The following EPB41 variants were observed in gnomAD, a reference collection of about 807,000 sequenced individuals.
EPB41 encodes the protein protein 4.1.
EPB41 carries 65 observed loss-of-function variants against 108.0 expected under a neutral mutation model. The ratio of observed to expected loss-of-function variants is 0.60; its 90% CI spans 0.49 to 0.74. The LOEUF (loss-of-function observed/expected upper bound fraction) is 0.74, where lower values mean the gene tolerates loss of function less well. Among genes scored for constraint, EPB41 ranks in the 30% least tolerant of loss-of-function variants. The probability of loss-of-function intolerance (pLI) is 0.00; values close to 1 mark genes in which losing one functional copy is unlikely to be tolerated. For synonymous variants in EPB41, 336 were observed against 358.9 expected (o/e 0.94, Z 0.72); for missense variants, 875 against 1,037.0 (o/e 0.84, Z 2.15).
Position 28,887,561 on chromosome 1 carries a change from C to T in EPB41, c.-8+351C>T. On this transcript the variant is annotated intron_variant, in intron 1 of 16. Transcript: ENST00000347529. This position sits in a 1 kb window ranked among gnomAD's most constrained non-coding sequence, Gnocchi z 4.9. Reference sequence around the variant, plus strand: ...GAGAGTCCCTGCAGGTCGGCGCAGCCCCCGGCCGCCCCCTAGCCCCGCCTT... The same window carrying T: ...GAGAGTCCCTGCAGGTCGGCGCAGCTCCCGGCCGCCCCCTAGCCCCGCCTT... 1 of 985,288 alleles carries T rather than the reference C, an allele frequency of 1.0e-6. No homozygotes were observed. Among genetic ancestry groups the T allele is most frequent in the African/African-American group, 1.7e-5 (1 of 57,336 alleles). The allele number at this position is 985,288 out of a possible 1,614,324, so 61.0% of individuals were successfully genotyped here. A position where few individuals can be genotyped will look rare whatever the true frequency, so the allele number is the denominator to read the frequency against.
At chr1:29,090,364 G>A (rs542568529) in intron 16 of EPB41, among the ~76,000 whole-genome samples, 3 of 152,318 alleles carry the variant, frequency 2.0e-5, no homozygotes, top group Non-Finnish European at 4.4e-5. Context: ...GGGGTTAGCG[G>A]ATAAATGTAA....
At chr1:29,111,834 G>A (rs1310506931) in intron 18 of EPB41, among the ~76,000 whole-genome samples, 1 of 151,634 alleles carries the variant, frequency 6.6e-6, no homozygotes. Context: ...AAAATTAGCT[G>A]GGCATGGTGG....
intron 1 of EPB41, among the ~76,000 whole-genome samples, chr1:28,930,860 A>G (rs1222975003): frequency 1.3e-5 from 2 of 152,158 alleles, no homozygotes; most frequent in Non-Finnish European, 2.9e-5. Flanking sequence ...CTCAATAAAA[A>G]TCCTGTGGTA....
chr1:28,915,027 G>A (rs2092505599), intron 1 of EPB41, among the ~76,000 whole-genome samples: 1 of 151,654 alleles, frequency 6.6e-6, no homozygotes, highest in Non-Finnish European at 1.5e-5. Context: ...CGGGAGTGTT[G>A]GAAAGTTAGG....
chr1:28,918,106 C>G (rs2092817106), intron 1 of EPB41, among the ~76,000 whole-genome samples: 1 of 152,186 alleles, frequency 6.6e-6, no homozygotes, highest in African/African-American at 2.4e-5. Flanking sequence ...TCCTTGTTAT[C>G]TAAGAGGCAG....
chr1:28,943,768 A>G (rs1380138348), intron 1 of EPB41, among the ~76,000 whole-genome samples: 2 of 152,212 alleles, frequency 1.3e-5, no homozygotes, highest in Non-Finnish European at 2.9e-5. Flanking sequence ...GTTGGTGGGA[A>G]TGCAAATTAG....
At chr1:29,019,368 T>C (rs12085162) in intron 7 of EPB41, among the ~76,000 whole-genome samples, 16,752 of 152,022 alleles carry the variant, frequency 0.11, 1,149 homozygotes, top group African/African-American at 0.2. Context: ...CATTGAAAGG[T>C]GATGTGTGTA....
intron 16 of EPB41, among the ~76,000 whole-genome samples, chr1:29,067,473 G>A (rs1648721826): frequency 7.1e-6 from 1 of 140,736 alleles, no homozygotes; most frequent in African/African-American, 2.7e-5. Context: ...TTCAGCCTGG[G>A]CGACAGAGCG....
intron 19 of EPB41, among the ~76,000 whole-genome samples, chr1:29,113,941 A>G (rs1244886959): frequency 6.6e-6 from 1 of 152,158 alleles, no homozygotes; most frequent in Non-Finnish European, 1.5e-5. Flanking sequence ...CAGAGTCACA[A>G]AGAGAAGACT....
chr1:28,952,792 CT>C (rs1467809360), intron 1 of EPB41, among the ~76,000 whole-genome samples: 1 of 152,044 alleles, frequency 6.6e-6, no homozygotes, highest in Non-Finnish European at 1.5e-5. Context: ...CCCATTGCTT[CT>C]TTTTGTAAAT....
chr1:28,888,549 T>G (rs2089721732), intron 1 of EPB41, among the ~76,000 whole-genome samples: 1 of 152,214 alleles, frequency 6.6e-6, no homozygotes, highest in African/African-American at 2.4e-5. Context: ...CCTTGAAGGC[T>G]CTCCGGGGTG....
intron 1 of EPB41, among the ~76,000 whole-genome samples, chr1:28,904,273 C>A (rs902496855): frequency 1.3e-5 from 2 of 151,648 alleles, no homozygotes; most frequent in Non-Finnish European, 2.9e-5. Flanking sequence ...GCTAGGATCC[C>A]CAGTGCCCAA....
chr1:29,080,580 G>C (rs907837050), intron 16 of EPB41, among the ~76,000 whole-genome samples: 2 of 151,504 alleles, frequency 1.3e-5, no homozygotes, highest in African/African-American at 4.9e-5. Context: ...TAAAAGACAG[G>C]GTTTTACCAT....
intron 10 of EPB41, among the ~76,000 whole-genome samples, chr1:29,036,426 A>AT (rs1188863474): frequency 6.6e-6 from 1 of 150,452 alleles, no homozygotes; most frequent in African/African-American, 2.4e-5. Flanking sequence ...TGCCCAGCTA[A>AT]TTTTTTGTAT....
At chr1:29,057,553 C>T (rs991204965) in intron 12 of EPB41, among the ~76,000 whole-genome samples, 1 of 151,938 alleles carries the variant, frequency 6.6e-6, no homozygotes, top group African/African-American at 2.4e-5. Flanking sequence ...CATTATACTC[C>T]AAAGTAATGC....
At chr1:28,943,795 A>G (rs2094391363) in intron 1 of EPB41, among the ~76,000 whole-genome samples, 2 of 152,300 alleles carry the variant, frequency 1.3e-5, no homozygotes, top group Non-Finnish European at 2.9e-5. Context: ...CATTTTGGAG[A>G]AGTTTGGAGG....
At chr1:28,909,844 G>A (rs2092127857), upstream of EPB41, among the ~76,000 whole-genome samples, 1 of 151,940 alleles carries the variant, frequency 6.6e-6, no homozygotes, top group South Asian at 2.1e-4. Context: ...TATACATAAG[G>A]GTGGGTGTGG....
intron 1 of EPB41, among the ~76,000 whole-genome samples, chr1:28,938,651 G>C (rs1037484598): frequency 6.6e-6 from 1 of 151,562 alleles, no homozygotes; most frequent in Admixed American, 6.6e-5. Flanking sequence ...TCCCACCTCA[G>C]CCTCCTGAGT....
chr1:29,033,130 C>T lies in EPB41; in HGVS notation c.1250C>T (p.Ser417Phe). The change falls in exon 9 of 21, where the codon TCT becomes TTT. Residue 417 changes from serine (S) to phenylalanine (F), a missense_variant. Around this residue, in one of 3 missense-constraint regions of EPB41, gnomAD observed 519 missense variants for 627.3 expected, o/e 0.83. Coordinates refer to ENST00000343067, the MANE Select transcript of EPB41 (RefSeq NM_001376013.1). ...EGVDIILGVC[S>F]SGLLVYKDKL... Reference sequence around the variant, plus strand: ...GTAGATATCATCCTAGGTGTCTGCTCTAGTGGCCTTCTGGTTTACAAAGAT... The same window carrying T: ...GTAGATATCATCCTAGGTGTCTGCTTTAGTGGCCTTCTGGTTTACAAAGAT... The T allele has an allele frequency of 1.2e-6, 2 of 1,613,938 alleles. No homozygotes were observed. The highest frequency in any genetic ancestry group is 1.7e-6 in the Non-Finnish European group (2 of 1,179,930).
Sources: gnomAD v4.1 joint callset for allele counts (sites outside exome capture counted in the v4.1 genomes callset) on GRCh38, gnomAD v4.1.1 for gene constraint, gnomAD v4.1.1 regional missense constraint, Gnocchi (gnomAD v3.1) non-coding constraint, MANE v1.5 for transcripts, NCBI Gene and HGNC (gene_info 2026-07-23, HGNC 2026-07-21) for gene names.